DYNC1I1: variants seen among roughly 807,000 people sequenced by gnomAD.
DYNC1I1 encodes dynein cytoplasmic 1 intermediate chain 1.
In DYNC1I1, 43 loss-of-function variants were observed where a neutral mutation model predicts 86.6. The observed-to-expected ratio is 0.50, with a 90% CI of 0.39 to 0.64. The LOEUF (loss-of-function observed/expected upper bound fraction) is 0.64. Ranked by LOEUF, DYNC1I1 falls within the 30% of genes least tolerant of loss-of-function variation. The pLI is 0.00. For synonymous variants in DYNC1I1, 262 were observed against 283.7 expected (o/e 0.92, Z 0.77); for missense variants, 604 against 788.8 (o/e 0.77, Z 2.81).
intron 10 of DYNC1I1, among the ~76,000 whole-genome samples, chr7:96,023,622 C>G (rs1183273089): frequency 6.6e-6 from 1 of 152,152 alleles, no homozygotes; most frequent in Non-Finnish European, 1.5e-5. Context: ...GAATCTCACC[C>G]TCATCTCTGT....
intron 6 of DYNC1I1, among the ~76,000 whole-genome samples, chr7:95,917,676 G>A (rs1791504977): frequency 6.6e-6 from 1 of 152,200 alleles, no homozygotes; most frequent in Non-Finnish European, 1.5e-5. Context: ...TCTTTGTGAT[G>A]GCGTCAGTTT....
intron 5 of DYNC1I1, among the ~76,000 whole-genome samples, chr7:95,862,833 T>C (rs1407824049): frequency 6.6e-6 from 1 of 152,216 alleles, no homozygotes; most frequent in Non-Finnish European, 1.5e-5. Flanking sequence ...TCAAGTTCTT[T>C]ATAGAAACTG....
rs1790681209 is a variant in DYNC1I1 at position 96,086,424 on chromosome 7, G to A, written c.1776+5936G>A. Among the ~76,000 whole-genome samples, 4 of 152,150 alleles carry A rather than the reference G, an allele frequency of 2.6e-5. 1 individual carries two copies. The South Asian group carries it at 8.3e-4, about 32-fold the overall frequency. Reference sequence around the variant, plus strand: ...TGATAAAATTACAGAATCATTTTCAGCTCAAAGTAGGATTTGAAGAATAAA... The same window carrying A: ...TGATAAAATTACAGAATCATTTTCAACTCAAAGTAGGATTTGAAGAATAAA... On this transcript the variant is annotated intron_variant, in intron 16 of 16. Transcript: ENST00000447467.
chr7:95,934,777 C>T (rs1791993739), intron 6 of DYNC1I1, among the ~76,000 whole-genome samples: 1 of 152,008 alleles, frequency 6.6e-6, no homozygotes, highest in East Asian at 1.9e-4. Context: ...CTATCTCATA[C>T]TATCACTTGA....
chr7:95,904,229 A>G (rs1331906460), intron 6 of DYNC1I1, among the ~76,000 whole-genome samples: 1 of 152,110 alleles, frequency 6.6e-6, no homozygotes, highest in Non-Finnish European at 1.5e-5. Context: ...GAGTACTGTT[A>G]CCAAGGACCT....
intron 6 of DYNC1I1, among the ~76,000 whole-genome samples, chr7:95,897,163 G>A (rs771941830): frequency 2.6e-5 from 4 of 152,222 alleles, no homozygotes; most frequent in South Asian, 2.1e-4. Context: ...TCCATGGGTC[G>A]TTTATTAGCA....
chr7:96,106,870 C>T (rs1055230017), intron 16 of DYNC1I1, among the ~76,000 whole-genome samples: 2 of 152,092 alleles, frequency 1.3e-5, no homozygotes, highest in Non-Finnish European at 2.9e-5. Context: ...ATATTCCATG[C>T]GTACTTAAAT....
intron 6 of DYNC1I1, among the ~76,000 whole-genome samples, chr7:95,970,383 T>C (rs1793134471): frequency 6.6e-6 from 1 of 152,162 alleles, no homozygotes. Context: ...TTGTGTTTTT[T>C]AAAACCTCCA....
Position 96,035,742 on chromosome 7 carries a change from C to T in DYNC1I1, c.1354C>T (p.Arg452Cys). 1 of 1,609,376 alleles carries T rather than the reference C, an allele frequency of 6.2e-7. No individual in the cohort carries two copies. The highest frequency in any genetic ancestry group is 8.5e-7 in the Non-Finnish European group (1 of 1,178,252). Residue 452 changes from arginine to cysteine, a missense_variant, in exon 13 of 17, where the codon CGT (arginine) becomes TGT (cysteine). Transcript: ENST00000447467. ...GGAAGGTACAGTCTACACGGCTTGTCGTCATGGAAGGTGATTTTTCTGTTT... is the reference window on the plus strand; with the variant it reads ...GGAAGGTACAGTCTACACGGCTTGTTGTCATGGAAGGTGATTTTTCTGTTT... Reference protein sequence around the residue: ...SEEGTVYTACRHGSKAGIGEV... With the variant: ...SEEGTVYTACCHGSKAGIGEV...
chr7:95,782,617 G>C (rs1272630948), intron 1 of DYNC1I1, among the ~76,000 whole-genome samples: 1 of 152,238 alleles, frequency 6.6e-6, no homozygotes, highest in Non-Finnish European at 1.5e-5. Context: ...AGCAGTTATT[G>C]TCCGTAGATG....
At chr7:95,941,475 G>A (rs534591049) in intron 6 of DYNC1I1, among the ~76,000 whole-genome samples, 2 of 152,294 alleles carry the variant, frequency 1.3e-5, no homozygotes, top group Admixed American at 6.5e-5. Context: ...TTCCCGGGCT[G>A]CTTTGTTTAC....
chr7:95,785,859 T>C (rs1293784816), intron 1 of DYNC1I1, among the ~76,000 whole-genome samples: 1 of 146,968 alleles, frequency 6.8e-6, no homozygotes, highest in Non-Finnish European at 1.5e-5. Context: ...GAGAGATTAC[T>C]AGGGGTATGG....
intron 16 of DYNC1I1, among the ~76,000 whole-genome samples, chr7:96,107,261 C>T (rs1791230613): frequency 6.6e-6 from 1 of 152,022 alleles, no homozygotes; most frequent in Non-Finnish European, 1.5e-5. Flanking sequence ...AACTCCTGAC[C>T]TCAAGTGATC....
chr7:96,010,846 T>G (rs1338056004), intron 10 of DYNC1I1, among the ~76,000 whole-genome samples: 1 of 152,236 alleles, frequency 6.6e-6, no homozygotes, highest in Non-Finnish European at 1.5e-5. Flanking sequence ...CTAAAGAAGT[T>G]TGCATTGCCA....
At chr7:95,909,251 G>GGGGGGGGGGGGGGGGGGGGGGGGGGT (rs1791263709) in intron 6 of DYNC1I1, among the ~76,000 whole-genome samples, 1 of 110,446 alleles carries the variant, frequency 9.1e-6, no homozygotes, top group Non-Finnish European at 1.9e-5. Context: ...GGTGGGGGGG[G>GGGGGGGGGGGGGGGGGGGGGGGGGGT]GGGGCGGGGC....
chr7:95,959,868 C>T (rs1792817648), intron 6 of DYNC1I1, among the ~76,000 whole-genome samples: 1 of 152,150 alleles, frequency 6.6e-6, no homozygotes, highest in African/African-American at 2.4e-5. Context: ...GCCAAGTTAG[C>T]AGCATCCCCG....
chr7:95,921,307 A>AT (rs1359141826), intron 6 of DYNC1I1, among the ~76,000 whole-genome samples: 1 of 152,198 alleles, frequency 6.6e-6, no homozygotes, highest in Non-Finnish European at 1.5e-5. Flanking sequence ...TATAAAGAGT[A>AT]TGTTATTATG....
intron 10 of DYNC1I1, among the ~76,000 whole-genome samples, chr7:96,015,377 T>G (rs568382414): frequency 1.6e-4 from 25 of 152,256 alleles, no homozygotes; most frequent in African/African-American, 5.5e-4. Context: ...TTAATATGCC[T>G]CTAGACTCTT....
chr7:95,793,796 T>A (rs1794368833), intron 1 of DYNC1I1, among the ~76,000 whole-genome samples: 1 of 152,204 alleles, frequency 6.6e-6, no homozygotes, highest in South Asian at 2.1e-4. Context: ...TTAACTCGTT[T>A]ACGTAACAGG....
Sources: gnomAD v4.1 joint callset for allele counts (sites outside exome capture counted in the v4.1 genomes callset) on GRCh38, gnomAD v4.1.1 for gene constraint, MANE v1.5 for transcripts, NCBI Gene and HGNC (gene_info 2026-07-23, HGNC 2026-07-21) for gene names.